CEP152: variants seen among roughly 807,000 people sequenced by gnomAD.
The protein encoded by CEP152 is centrosomal protein 152.
A neutral mutation model predicts 188.9 loss-of-function variants in CEP152; 132 were observed. The ratio of observed to expected loss-of-function variants is 0.70; its 90% CI spans 0.61 to 0.81. The LOEUF (loss-of-function observed/expected upper bound fraction) is 0.81, where lower values mean the gene tolerates loss of function less well. CEP152 is among the 30% of genes least tolerant of loss of function. The pLI, the probability that CEP152 is intolerant of heterozygous loss-of-function variation, is 0.00. For synonymous variants in CEP152, 649 were observed against 666.6 expected (o/e 0.97, Z 0.41); for missense variants, 1,914 against 1,969.8 (o/e 0.97, Z 0.54).
intron 7 of CEP152, among the ~76,000 whole-genome samples, chr15:48,792,755 A>G (rs1344381241): frequency 6.6e-6 from 1 of 152,144 alleles, no homozygotes; most frequent in South Asian, 2.1e-4. Context: ...CAGTTAAATA[A>G]TGTTCAATGA....
intron 22 of CEP152, among the ~76,000 whole-genome samples, chr15:48,747,899 C>T (rs189664943): frequency 1.0e-3 from 152 of 152,230 alleles, no homozygotes; most frequent in Non-Finnish European, 1.7e-3. Context: ...CAGACCCTCA[C>T]GCCCTTGTTT....
At chr15:48,786,394 A>AG (rs397735197) in intron 9 of CEP152, among the ~76,000 whole-genome samples, 2 of 151,690 alleles carry the variant, frequency 1.3e-5, no homozygotes, top group East Asian at 3.9e-4. Context: ...CCAAAAAAAA[A>AG]GAACTATTAT....
At chr15:48,756,606 G>A (rs946069049) in intron 19 of CEP152, 53 bp from the exon 20 acceptor site, 139 of 1,545,608 alleles carry the variant, frequency 9.0e-5, no homozygotes, top group East Asian at 3.8e-4. Flanking sequence ...CTCCTCCTTC[G>A]CAAAAAAATT....
Position 48,791,257 on chromosome 15 carries a change from ATGCTTGTATC to A in CEP152, c.942_951del (p.Gln314HisfsTer2), listed in dbSNP as rs1381369264. On this transcript the variant is annotated frameshift_variant, in exon 8 of 27. Coordinates refer to ENST00000380950, the MANE Select transcript of CEP152 (RefSeq NM_001194998.2). LOFTEE classifies it high-confidence loss of function. ...GGTACCTGTTCTTCATTGACTTTTAATGCTTGTATCTGAGTCTCCAGTGCTTTTATTTGAG... is the reference window on the plus strand; with the variant it reads ...GGTACCTGTTCTTCATTGACTTTTAATGAGTCTCCAGTGCTTTTATTTGAG... The A allele has an allele frequency of 6.2e-7, 1 of 1,612,444 alleles. No individual in the cohort carries two copies.
downstream of CEP152, among the ~76,000 whole-genome samples, chr15:48,734,060 G>A (rs57072924): frequency 0.021 from 3,141 of 152,064 alleles, 102 homozygotes; most frequent in African/African-American, 0.072. Context: ...GAATCCATGG[G>A]AACAAAGAAA....
At chr15:48,771,977 T>C (rs565618188) in intron 13 of CEP152, among the ~76,000 whole-genome samples, 96 of 152,352 alleles carry the variant, frequency 6.3e-4, no homozygotes, top group African/African-American at 2.2e-3. Context: ...TTTCCACCAC[T>C]GTAAAGTCTA....
chr15:48,773,947 C>A (rs1177525903), intron 12 of CEP152, among the ~76,000 whole-genome samples: 3 of 151,918 alleles, frequency 2.0e-5, no homozygotes, highest in Admixed American at 1.3e-4. Context: ...AGGAGAAAAA[C>A]CAATCAATAG....
Position 48,772,491 on chromosome 15 carries a change from AC to A in CEP152, c.1777del (p.Val593LeufsTer53), listed in dbSNP as rs759144883. 6.2e-7 allele frequency: 1 copy of A among 1,611,452 alleles called. No individual in the cohort carries two copies. The highest frequency in any genetic ancestry group is 1.3e-5 in the African/African-American group (1 of 74,852). ...QVKKDEKSIE[V>X]ETKTDTSEKP... ...AACTCTATAGGCTTTACATACCTCA[AC>A]CTCAATGCTTTTTTCATCCTTCTTC... is the stretch of plus-strand genomic sequence containing the variant. On this transcript the variant is annotated frameshift_variant, in exon 13 of 27. Coordinates refer to ENST00000380950, the MANE Select transcript of CEP152 (RefSeq NM_001194998.2). LOFTEE classifies it high-confidence loss of function.
chr15:48,744,345 TA>T lies in CEP152; in HGVS notation c.3732-3del. On this transcript the variant is annotated splice_polypyrimidine_tract_variant and splice_region_variant and intron_variant, in intron 23 of 26. Transcript: ENST00000380950. ...TCAATGGCCCCTGCTGACAATGACC[TA>T]AAAAACAAACCAAAGATTACAAAAA... The T allele has an allele frequency of 3.1e-6, 5 of 1,613,956 alleles. No individual in the cohort carries two copies. Among genetic ancestry groups the T allele is most frequent in the Non-Finnish European group, 4.2e-6 (5 of 1,179,928 alleles).
chr15:48,783,894 C>T, intron 10 of CEP152, 79 bp downstream of exon 10: 1 of 1,449,816 alleles, frequency 6.9e-7, no homozygotes, highest in Non-Finnish European at 9.5e-7. Flanking sequence ...TGGATTTTTA[C>T]AAGTCATGGA....
chr15:48,769,354 G>C (rs897621614), intron 13 of CEP152, among the ~76,000 whole-genome samples: 10 of 152,160 alleles, frequency 6.6e-5, no homozygotes, highest in African/African-American at 2.4e-4. Flanking sequence ...ATGATTCTGA[G>C]TGGCATTTAG....
intron 2 of CEP152, among the ~76,000 whole-genome samples, chr15:48,802,378 A>T (rs188208731): frequency 6.6e-6 from 1 of 152,176 alleles, no homozygotes; most frequent in South Asian, 2.1e-4. Flanking sequence ...TGTGACAATT[A>T]ATTGATATTA....
intron 2 of CEP152, among the ~76,000 whole-genome samples, chr15:48,731,824 T>A (rs1188457393): frequency 6.6e-6 from 1 of 152,042 alleles, no homozygotes; most frequent in Non-Finnish European, 1.5e-5. Context: ...ACAAGGAACT[T>A]AAACAACCCC....
In CEP152 at chr15:48,738,503, A is replaced by G. The variant is rs140229582; in HGVS notation, c.4879T>C (p.Cys1627Arg). The G allele has an allele frequency of 1.1e-5, 17 of 1,614,202 alleles. 1 individual carries two copies. The highest frequency in any genetic ancestry group is 1.6e-4 in the Middle Eastern group (1 of 6,062). ...TAACGCTGACATTTCATTGTTTGAC[A>G]AATCATATTACTTTCCTCTGTATCT... is the stretch of plus-strand genomic sequence containing the variant. ...LSDTEESNMI[C>R]QTMKCQRYQT... Residue 1627 changes from cysteine to arginine, a missense_variant, in exon 27 of 27, where the codon TGT becomes CGT. By Grantham distance (180) the Cys-to-Arg change is radical. Transcript: ENST00000380950.
At chr15:48,789,296 A>C (rs1896865075) in intron 8 of CEP152, 1 of 448,370 alleles carries the variant, frequency 2.2e-6, no homozygotes, top group Non-Finnish European at 4.1e-6. Context: ...CAGGCACGGA[A>C]TCTGCTGATG....
At position 48,767,969 on chromosome 15, in the gene CEP152, C is replaced by G. The variant is rs8037963; in HGVS notation, c.2018+250G>C. 0.34 allele frequency among the ~76,000 whole-genome samples: 50,956 copies of G among 151,980 alleles called. 12,019 individuals are homozygous for G. Among genetic ancestry groups the G allele is most frequent in the African/African-American group, 0.63 (26,164 of 41,430 alleles). ...AGACGAGTCTTTAAAAAAATATTAA[C>G]CTATAATATTTCAGTGAACTACAGT... On this transcript the variant is annotated intron_variant, in intron 15 of 26. Coordinates refer to ENST00000380950, the MANE Select transcript of CEP152 (RefSeq NM_001194998.2).
chr15:48,778,194 T>C (rs567728328), intron 12 of CEP152, among the ~76,000 whole-genome samples: 82 of 152,304 alleles, frequency 5.4e-4, no homozygotes, highest in African/African-American at 1.9e-3. Context: ...ACCCTTAAAA[T>C]TTACTAGGCA....
At chr15:48,775,823 G>A (rs1489431544) in intron 12 of CEP152, among the ~76,000 whole-genome samples, 3 of 151,946 alleles carry the variant, frequency 2.0e-5, no homozygotes, top group Admixed American at 1.3e-4. Flanking sequence ...TAGGTGTGGT[G>A]ATGACTGCAC....
intron 26 of CEP152, 62 bp from the exon 27 acceptor site, chr15:48,739,350 C>A: frequency 6.7e-7 from 1 of 1,503,296 alleles, no homozygotes; most frequent in Non-Finnish European, 8.8e-7. Flanking sequence ...AAGATTCATC[C>A]TTGAACAAAA....
Sources: allele counts gnomAD v4.1 joint callset (sites outside exome capture counted in the v4.1 genomes callset), GRCh38; gene constraint gnomAD v4.1.1; transcripts MANE v1.5; gene names NCBI Gene and HGNC (gene_info 2026-07-23, HGNC 2026-07-21).